Variants in SAA4 observed in about 807,000 individuals in gnomAD.
The protein encoded by SAA4 is serum amyloid A-4 protein.
A neutral mutation model predicts 11.2 loss-of-function variants in SAA4; 8 were observed. The observed-to-expected ratio is 0.71, with a 90% CI of 0.42 to 1.29. SAA4 has a LOEUF of 1.29. Ranked by LOEUF, SAA4 falls within the 50% of genes most tolerant of loss-of-function variation. The pLI, the probability that SAA4 is intolerant of heterozygous loss-of-function variation, is 0.01. For missense variants in SAA4, 171 were observed against 164.2 expected (o/e 1.04, Z -0.23); for synonymous variants, 60 against 56.2 (o/e 1.07, Z -0.30).
At chr11:18,233,912 C>G (rs1461705290) in intron 2 of SAA4, among the ~76,000 whole-genome samples, 1 of 152,074 alleles carries the variant, frequency 6.6e-6, no homozygotes, top group African/African-American at 2.4e-5. Flanking sequence ...CCTTATGACT[C>G]TACATTTCCA....
At position 18,236,397 on chromosome 11, in the gene SAA4, A is replaced by G. The variant is rs192469283; in HGVS notation, c.-5+320T>C. Among the ~76,000 whole-genome samples the G allele has an allele frequency of 9.9e-5, 15 of 152,222 alleles. 1 individual carries two copies. In the East Asian group the frequency reaches 1.7e-3, roughly 18 times the overall value. On this transcript the variant is annotated intron_variant, in intron 1 of 3. Coordinates refer to ENST00000278222, the MANE Select transcript of SAA4 (RefSeq NM_006512.4). ...TTTGAAAGACTAATTCCCCATTTCC[A>G]TTTGTTTGTATGAGAATCATAACTG...
intron 3 of SAA4, 50 bp downstream of exon 3, chr11:18,232,345 C>G: frequency 3.1e-6 from 5 of 1,598,522 alleles, no homozygotes; most frequent in Admixed American, 3.4e-5. Flanking sequence ...ACTCTCAAGA[C>G]AGATAGGCAC....
intron 3 of SAA4, among the ~76,000 whole-genome samples, chr11:18,232,001 C>T (rs1183890617): frequency 1.3e-5 from 2 of 151,594 alleles, no homozygotes; most frequent in African/African-American, 4.9e-5. Flanking sequence ...CCCACTTCAG[C>T]CTCCTGAGTA....
At chr11:18,232,852 T>C (rs1458367620) in intron 2 of SAA4, among the ~76,000 whole-genome samples, 1 of 152,162 alleles carries the variant, frequency 6.6e-6, no homozygotes, top group Admixed American at 6.5e-5. Flanking sequence ...TTGAATTGAA[T>C]TGGTTGGCAG....
At chr11:18,231,752 C>A in intron 3 of SAA4, 88 bp from the exon 4 acceptor site, 1 of 1,475,110 alleles carries the variant, frequency 6.8e-7, no homozygotes, top group Non-Finnish European at 9.0e-7. Context: ...CCCTCCTCTT[C>A]TCCCACCCAA....
chr11:18,232,881 C>T (rs906542941), intron 2 of SAA4, among the ~76,000 whole-genome samples: 6 of 152,138 alleles, frequency 3.9e-5, no homozygotes, highest in African/African-American at 7.2e-5. Context: ...CCCTGGGCTA[C>T]ATCTTACATG....
rs1280991230 is a variant in SAA4, at chr11:18,232,443, T to G, written c.182A>C (p.Asp61Ala). ...ACCCCCAGGTCCTCTTTGGGCAGCATCATAGTTTCCCCGAGCATAGAGATA... is the reference window on the plus strand; with the variant it reads ...ACCCCCAGGTCCTCTTTGGGCAGCAGCATAGTTTCCCCGAGCATAGAGATA... ...NRYLYARGNY[D>A]AAQRGPGGVW... is the part of the protein sequence containing the mutation. Residue 61 changes from aspartate to alanine, a missense_variant, in exon 3 of 4, where the codon GAT becomes GCT. Coordinates refer to ENST00000278222, the MANE Select transcript of SAA4 (RefSeq NM_006512.4). The G allele has an allele frequency of 6.2e-7, 1 of 1,614,076 alleles. No individual in the cohort carries two copies. The highest frequency in any genetic ancestry group is 1.3e-5 in the African/African-American group (1 of 74,932).
Position 18,231,471 on chromosome 11 carries a change from C to G in SAA4, c.*31G>C. 1.9e-6 allele frequency: 3 copies of G among 1,601,510 alleles called. No homozygotes were observed. The highest frequency in any genetic ancestry group is 2.6e-6 in the Non-Finnish European group (3 of 1,175,418). On this transcript the variant is annotated 3_prime_UTR_variant, in exon 4 of 4. Coordinates refer to ENST00000278222, the MANE Select transcript of SAA4 (RefSeq NM_006512.4). ...GGGGAGAAGTGTGTGGCTCACAGCC[C>G]AGTTTCCCTGAGAGCAGAGGAGCAG...
chr11:18,235,854 A>G lies in SAA4; in HGVS notation c.73T>C (p.Phe25Leu). The change falls in exon 2 of 4, where the codon TTC (phenylalanine) becomes CTC (leucine). Residue 25 changes from phenylalanine to leucine, a missense_variant. Coordinates refer to ENST00000278222, the MANE Select transcript of SAA4 (RefSeq NM_006512.4). Reference sequence around the variant, plus strand: ...TTCTTACCTTGGAGAGCCTCCTTGAAAAACGAACGCCAGCTTTCACTGGTG... The same window carrying G: ...TTCTTACCTTGGAGAGCCTCCTTGAGAAACGAACGCCAGCTTTCACTGGTG... ...GVTSESWRSF[F>L]KEALQGVGDM... 1 of 1,613,752 alleles carries G rather than the reference A, an allele frequency of 6.2e-7. No individual in the cohort carries two copies. Among genetic ancestry groups the G allele is most frequent in the Non-Finnish European group, 8.5e-7 (1 of 1,179,824 alleles).
At chr11:18,234,275 T>G (rs1271750584) in intron 2 of SAA4, among the ~76,000 whole-genome samples, 1 of 152,138 alleles carries the variant, frequency 6.6e-6, no homozygotes, top group East Asian at 1.9e-4. Flanking sequence ...TTACCTTTCG[T>G]GAGGGTTGTT....
chr11:18,231,733 C>T (rs1307911799), intron 3 of SAA4, 69 bp from the exon 4 acceptor site: 40 of 1,523,454 alleles, frequency 2.6e-5, no homozygotes, highest in Non-Finnish European at 3.2e-5. Context: ...ACAGCTCCAC[C>T]TGCTAACTCC....
At chr11:18,236,687 A>G (rs1353436796) in intron 1 of SAA4, 30 bp downstream of exon 1, 11 of 152,222 alleles carry the variant, frequency 7.2e-5, no homozygotes, top group African/African-American at 2.7e-4. Context: ...GAGTCAAATA[A>G]GAGAAATTAC....
In SAA4 at chr11:18,232,469, T is replaced by C; in HGVS notation, c.156A>G (p.Arg52=). The C allele has an allele frequency of 6.2e-7, 1 of 1,614,164 alleles. No homozygotes were observed. Among genetic ancestry groups the C allele is most frequent in the Non-Finnish European group, 8.5e-7 (1 of 1,180,030 alleles). ...CATAGTTTCCCCGAGCATAGAGATATCTGTTTGAATTTTGGTGATTGGATA... is the reference window on the plus strand; with the variant it reads ...CATAGTTTCCCCGAGCATAGAGATACCTGTTTGAATTTTGGTGATTGGATA... ...IMISNHQNSN[R]YLYARGNYDA... is the part of the protein sequence containing the mutation. Residue 52 remains arginine, a synonymous_variant, in exon 3 of 4, where the codon AGA becomes AGG. Transcript: ENST00000278222.
chr11:18,235,963 A>AC (rs1304244400), intron 1 of SAA4, 33 bp from the exon 2 acceptor site: 1 of 1,553,146 alleles, frequency 6.4e-7, no homozygotes, highest in Non-Finnish European at 8.7e-7. Flanking sequence ...GCAGAGGATC[A>AC]TAAAAAAAAA....
intron 1 of SAA4, 131 bp from the exon 2 acceptor site, chr11:18,236,061 CCTCCCTTTCTTTCTTTCT>C: frequency 4.2e-6 from 4 of 948,008 alleles, no homozygotes; most frequent in Non-Finnish European, 4.6e-6. Flanking sequence ...TTCTTTCTTT[CCTCCCTTTCTTTCTTTCT>C]TTTTTTTTTC....
At chr11:18,234,855 C>T (rs1032216199) in intron 2 of SAA4, among the ~76,000 whole-genome samples, 1 of 152,152 alleles carries the variant, frequency 6.6e-6, no homozygotes, top group Non-Finnish European at 1.5e-5. Context: ...TTCTCATTGG[C>T]ATTGTGCTTA....
chr11:18,235,845 C>T lies in SAA4; in HGVS notation c.82G>A (p.Ala28Thr), dbSNP rs759257724. The T allele has an allele frequency of 3.1e-6, 5 of 1,613,624 alleles. No individual in the cohort carries two copies. In the South Asian group the frequency reaches 5.5e-5, roughly 18 times the overall value. Residue 28 changes from alanine (A) to threonine (T), a missense_variant, in exon 2 of 4, where the codon GCT becomes ACT. By Grantham distance (58) the Ala-to-Thr change is moderately conservative. Transcript: ENST00000278222. ...SESWRSFFKEALQGVGDMGRA... is the reference protein window; with the variant it reads ...SESWRSFFKETLQGVGDMGRA... ...CCTCCAGAGTTCTTACCTTGGAGAGCCTCCTTGAAAAACGAACGCCAGCTT... is the reference window on the plus strand; with the variant it reads ...CCTCCAGAGTTCTTACCTTGGAGAGTCTCCTTGAAAAACGAACGCCAGCTT...
At chr11:18,232,310 G>A in intron 3 of SAA4, 85 bp downstream of exon 3, 1 of 1,547,788 alleles carries the variant, frequency 6.5e-7, no homozygotes, top group Non-Finnish European at 8.7e-7. Context: ...ATGTGGAGGA[G>A]GGGAAAGAGC....
rs1446186137 is a variant in SAA4 at position 18,232,479 on chromosome 11, T to C, written c.146A>G (p.Asn49Ser). Residue 49 changes from asparagine (N) to serine (S), a missense_variant, in exon 3 of 4, where the codon AAT becomes AGT. Coordinates refer to ENST00000278222, the MANE Select transcript of SAA4 (RefSeq NM_006512.4). ...CCGAGCATAGAGATATCTGTTTGAATTTTGGTGATTGGATATCATTATGTC... is the reference window on the plus strand; with the variant it reads ...CCGAGCATAGAGATATCTGTTTGAACTTTGGTGATTGGATATCATTATGTC... ...YWDIMISNHQ[N>S]SNRYLYARGN... 2 of 1,614,166 alleles carry C rather than the reference T, an allele frequency of 1.2e-6. No individual in the cohort carries two copies. Among genetic ancestry groups the C allele is most frequent in the Non-Finnish European group, 8.5e-7 (1 of 1,180,026 alleles).
Sources: allele counts gnomAD v4.1 joint callset (sites outside exome capture counted in the v4.1 genomes callset), GRCh38; gene constraint gnomAD v4.1.1; transcripts MANE v1.5; gene names NCBI Gene and HGNC (gene_info 2026-07-23, HGNC 2026-07-21).